KDR: variants seen among roughly 807,000 people sequenced by gnomAD.
The protein encoded by KDR is vascular endothelial growth factor receptor 2.
In KDR, 43 loss-of-function variants were observed where a neutral mutation model predicts 160.9. The observed-to-expected ratio is 0.27, with a 90% CI of 0.21 to 0.34. The LOEUF is 0.34. Ranked by LOEUF, KDR falls within the 10% of genes least tolerant of loss-of-function variation. The pLI, the probability that KDR is intolerant of heterozygous loss-of-function variation, is 1.00. For synonymous variants in KDR, 617 were observed against 600.1 expected (o/e 1.03, Z -0.41); for missense variants, 1,469 against 1,666.4 (o/e 0.88, Z 2.06).
At position 55,110,550 on chromosome 4, in the gene KDR, G is replaced by T. The variant is rs1295853705; in HGVS notation, c.1108C>A (p.Pro370Thr). ...TTAATTGTGTGATTGGACTCAAGGG[G>T]TATTCCATTTTTATACCTATGAAAA... The part of the protein sequence containing the change: ...PEIKWYKNGI[P>T]LESNHTIKAG... The change falls in exon 9 of 30, where the codon CCC (proline) becomes ACC (threonine). Residue 370 changes from proline to threonine, a missense_variant. By Grantham distance (38) the Pro-to-Thr change is conservative. This residue lies in a region of KDR where 792 missense variants were observed against 840.9 expected (regional missense o/e 0.94). Transcript: ENST00000263923. The T allele has an allele frequency of 1.2e-6, 2 of 1,613,652 alleles. No homozygotes were observed. Among genetic ancestry groups the T allele is most frequent in the Non-Finnish European group, 1.7e-6 (2 of 1,179,876 alleles).
intron 1 of KDR, among the ~76,000 whole-genome samples, chr4:55,122,282 A>G (rs1720900713): frequency 1.3e-5 from 2 of 152,208 alleles, no homozygotes; most frequent in Admixed American, 6.5e-5. Context: ...AGCATGAGAG[A>G]AAGAAAAATT....
At chr4:55,118,493 G>T in intron 3 of KDR, 111 bp downstream of exon 3, 2 of 826,722 alleles carry the variant, frequency 2.4e-6, no homozygotes, top group African/African-American at 1.7e-5. Flanking sequence ...TATTCCTCTT[G>T]GCAAACAGCC....
In KDR at chr4:55,121,159, C is replaced by T. The variant is rs149870540; in HGVS notation, c.99G>A (p.Arg33=). 3.7e-6 allele frequency: 6 copies of T among 1,613,526 alleles called. No homozygotes were observed. In the East Asian group the frequency reaches 1.1e-4, roughly 30 times the overall value. Residue 33 remains arginine (R), a synonymous_variant, in exon 2 of 30, where the codon AGG becomes AGA. Coordinates refer to ENST00000263923, the MANE Select transcript of KDR (RefSeq NM_002253.4). ...GLPSVSLDLP[R]LSIQKDILTI... is the part of the protein sequence containing the mutation. Reference sequence around the variant, plus strand: ...TAAGTATGTCTTTTTGTATGCTGAGCCTGGGCAGATCAAGAGAAACACTAG... The same window carrying T: ...TAAGTATGTCTTTTTGTATGCTGAGTCTGGGCAGATCAAGAGAAACACTAG...
intron 13 of KDR, among the ~76,000 whole-genome samples, chr4:55,104,094 T>G (rs1447063919): frequency 6.6e-6 from 1 of 152,100 alleles, no homozygotes; most frequent in Non-Finnish European, 1.5e-5. Context: ...GTCTTCTAGG[T>G]CTTAAACGCA....
chr4:55,098,590 C>T, intron 16 of KDR, 107 bp downstream of exon 16: 4 of 850,560 alleles, frequency 4.7e-6, no homozygotes, highest in Non-Finnish European at 8.0e-6. Flanking sequence ...TAAAAATGTG[C>T]CCATTGAGCC....
chr4:55,091,374 G>A (rs1308550854), intron 22 of KDR, among the ~76,000 whole-genome samples: 3 of 152,126 alleles, frequency 2.0e-5, no homozygotes, highest in Admixed American at 6.6e-5. Context: ...ACAACCAAGT[G>A]GATTCAAGAA....
intron 26 of KDR, 58 bp from the exon 27 acceptor site, chr4:55,087,816 C>A: frequency 6.4e-7 from 1 of 1,562,734 alleles, no homozygotes; most frequent in Non-Finnish European, 8.8e-7. Flanking sequence ...AGTGCCTTTT[C>A]ATTAAAAACA....
At chr4:55,103,990 C>T (rs1560518815) in intron 13 of KDR, among the ~76,000 whole-genome samples, 1 of 152,168 alleles carries the variant, frequency 6.6e-6, no homozygotes, top group Non-Finnish European at 1.5e-5. Context: ...GCTATCTGCT[C>T]ACTGAAGTGA....
intron 13 of KDR, among the ~76,000 whole-genome samples, 173 bp from the exon 14 acceptor site, chr4:55,102,681 GAC>G (rs2110021566): frequency 6.6e-6 from 1 of 152,256 alleles, no homozygotes; most frequent in Admixed American, 6.5e-5. Context: ...AGTCAGTCAG[GAC>G]ACTGCAAACA....
Position 55,125,472 on chromosome 4 carries a change from C to A in KDR, c.-179G>T. On this transcript the variant is annotated 5_prime_UTR_variant, in exon 1 of 30. Transcript: ENST00000263923. ...GCGGCTGCAGGGGCGTCTGCGGGTG[C>A]CGGTAGGAGAGGATATCCAGGCTGC... 2.9e-6 allele frequency: 2 copies of A among 685,864 alleles called. No homozygotes were observed. The highest frequency in any genetic ancestry group is 3.5e-5 in the South Asian group (2 of 56,510). 42.5% of individuals were successfully genotyped at this position (685,864 alleles called of 1,614,324 possible). A position where few individuals can be genotyped will look rare whatever the true frequency, so the allele number is the denominator to read the frequency against.
At chr4:55,106,928 C>T (rs536383116) in intron 10 of KDR, 118 bp from the exon 11 acceptor site, 2 of 886,432 alleles carry the variant, frequency 2.3e-6, no homozygotes, top group Non-Finnish European at 1.9e-6. Context: ...TCCAACGCAG[C>T]CTACCATGGT....
intron 29 of KDR, 49 bp from the exon 30 acceptor site, chr4:55,080,212 T>G: frequency 6.4e-7 from 1 of 1,569,324 alleles, no homozygotes; most frequent in South Asian, 1.1e-5. Flanking sequence ...AAGACAATTC[T>G]TTTGCTTTTT....
chr4:55,091,189 T>C (rs1250299717), intron 22 of KDR, among the ~76,000 whole-genome samples: 1 of 152,186 alleles, frequency 6.6e-6, no homozygotes, highest in African/African-American at 2.4e-5. Flanking sequence ...GAAGTGATCA[T>C]GTAAGCCAGG....
intron 7 of KDR, 82 bp downstream of exon 7, chr4:55,113,222 A>C (rs1211497581): frequency 7.0e-7 from 1 of 1,419,428 alleles, no homozygotes. Flanking sequence ...AATGAACAAA[A>C]TAGGAATCAC....
chr4:55,095,499 C>T, intron 20 of KDR, 78 bp downstream of exon 20: 1 of 1,072,326 alleles, frequency 9.3e-7, no homozygotes, highest in South Asian at 1.3e-5. Flanking sequence ...AAAATTTCAA[C>T]TAAAAAACTA....
At chr4:55,082,267 A>G (rs1719753536) in intron 28 of KDR, among the ~76,000 whole-genome samples, 1 of 152,226 alleles carries the variant, frequency 6.6e-6, no homozygotes, top group Non-Finnish European at 1.5e-5. Flanking sequence ...TCAGCAGCTG[A>G]GAATGCCTGT....
chr4:55,100,567 A>G (rs1720283790), intron 15 of KDR, among the ~76,000 whole-genome samples: 1 of 152,210 alleles, frequency 6.6e-6, no homozygotes, highest in Non-Finnish European at 1.5e-5. Flanking sequence ...GCAGAGCATC[A>G]GAGACAATCT....
rs369411727 is a variant in KDR, at chr4:55,098,237, G to C, written c.2409C>G (p.Ser803=). The change falls in exon 17 of 30, where the codon TCC becomes TCG. Residue 803 remains serine, a synonymous_variant. Coordinates refer to ENST00000263923, the MANE Select transcript of KDR (RefSeq NM_002253.4). ...NGGELKTGYL[S]IVMDPDELPL... Reference sequence around the variant, plus strand: ...GGAGTTCATCTGGATCCATGACGATGGACAAGTAGCCTGTCTTCAGTTCCC... The same window carrying C: ...GGAGTTCATCTGGATCCATGACGATCGACAAGTAGCCTGTCTTCAGTTCCC... The C allele has an allele frequency of 6.2e-7, 1 of 1,613,868 alleles. No individual in the cohort carries two copies. Among genetic ancestry groups the C allele is most frequent in the East Asian group, 2.2e-5 (1 of 44,860 alleles).
chr4:55,115,230 T>C, intron 4 of KDR, 51 bp downstream of exon 4: 1 of 1,504,172 alleles, frequency 6.6e-7, no homozygotes, highest in Non-Finnish European at 9.3e-7. Context: ...ATCTTAATAT[T>C]AGCTTAAAAT....
Sources: gnomAD v4.1 joint callset for allele counts (sites outside exome capture counted in the v4.1 genomes callset) on GRCh38, gnomAD v4.1.1 for gene constraint, gnomAD v4.1.1 regional missense constraint, MANE v1.5 for transcripts, NCBI Gene and HGNC (gene_info 2026-07-23, HGNC 2026-07-21) for gene names.